EYS: variants seen among roughly 807,000 people sequenced by gnomAD.
EYS encodes the protein EGF-like photoreceptor maintenance factor.
EYS carries 250 observed loss-of-function variants against 282.1 expected under a neutral mutation model. That is an observed-to-expected ratio of 0.89 (90% confidence interval 0.80 to 0.98). EYS has a LOEUF of 0.98. EYS is among the 50% of genes least tolerant of loss of function. The pLI is 0.00. For missense variants in EYS, 4,016 were observed against 3,709.0 expected (o/e 1.08, Z -2.15); for synonymous variants, 1,355 against 1,282.9 (o/e 1.06, Z -1.20).
chr6:65,123,856 G>A lies in EYS; in HGVS notation c.2024-66129C>T, dbSNP rs969856486. On this transcript the variant is annotated intron_variant, in intron 12 of 42. Coordinates refer to ENST00000503581, the MANE Select transcript of EYS (RefSeq NM_001142800.2). Reference sequence around the variant, plus strand: ...GAATTTCCCTAAATTCTGAAATGGTGAAAACAGTCACTTTATCAGAAGGAT... The same window carrying A: ...GAATTTCCCTAAATTCTGAAATGGTAAAAACAGTCACTTTATCAGAAGGAT... Among the ~76,000 whole-genome samples, 6 of 152,004 alleles carry A rather than the reference G, an allele frequency of 3.9e-5. No homozygotes were observed. In the South Asian group the frequency reaches 1.2e-3, roughly 32 times the overall value.
At chr6:64,149,870 C>T (rs1457154103) in intron 31 of EYS, among the ~76,000 whole-genome samples, 1 of 152,188 alleles carries the variant, frequency 6.6e-6, no homozygotes. Context: ...AACACGCCTT[C>T]ATTTTCTCCT....
chr6:63,962,767 C>G (rs1268732446), intron 35 of EYS, among the ~76,000 whole-genome samples: 5 of 151,978 alleles, frequency 3.3e-5, no homozygotes, highest in Admixed American at 6.6e-5. Flanking sequence ...GGGTATATAC[C>G]CAAAGGATTA....
intron 41 of EYS, among the ~76,000 whole-genome samples, chr6:63,730,473 C>T (rs1278380159): frequency 6.6e-6 from 1 of 152,150 alleles, no homozygotes; most frequent in Admixed American, 6.5e-5. Flanking sequence ...CCCAACATTC[C>T]CACCATTGTG....
intron 34 of EYS, among the ~76,000 whole-genome samples, chr6:63,991,669 A>T (rs949432618): frequency 6.6e-6 from 1 of 151,630 alleles, no homozygotes; most frequent in African/African-American, 2.4e-5. Context: ...AGAGAGAAAG[A>T]AAGAAGAAAA....
At chr6:65,418,649 G>A (rs905321997) in intron 5 of EYS, among the ~76,000 whole-genome samples, 10 of 151,916 alleles carry the variant, frequency 6.6e-5, no homozygotes, top group African/African-American at 2.2e-4. Context: ...AACACCACAT[G>A]TTTTCACTTA....
At chr6:65,127,187 T>C (rs1268908584) in intron 12 of EYS, among the ~76,000 whole-genome samples, 1 of 152,134 alleles carries the variant, frequency 6.6e-6, no homozygotes, top group East Asian at 1.9e-4. Context: ...ACTTAAATCC[T>C]TCAGTTAGAA....
At chr6:64,297,261 C>T (rs1447682518) in intron 30 of EYS, among the ~76,000 whole-genome samples, 1 of 152,176 alleles carries the variant, frequency 6.6e-6, no homozygotes, top group Middle Eastern at 3.2e-3. Context: ...TACTCCCCAC[C>T]ACCTTGAACT....
At chr6:64,338,650 A>G (rs548569901) in intron 29 of EYS, among the ~76,000 whole-genome samples, 13 of 152,174 alleles carry the variant, frequency 8.5e-5, no homozygotes, top group African/African-American at 3.1e-4. Context: ...ATTCATATGG[A>G]ACCAAAAAAG....
At chr6:65,496,279 T>C (rs1453650597) in intron 2 of EYS, among the ~76,000 whole-genome samples, 5 of 152,086 alleles carry the variant, frequency 3.3e-5, no homozygotes, top group African/African-American at 1.2e-4. Flanking sequence ...TAAATATAAG[T>C]TAAATGGTAG....
At chr6:64,935,321 T>C (rs1172060643) in intron 15 of EYS, among the ~76,000 whole-genome samples, 1 of 151,634 alleles carries the variant, frequency 6.6e-6, no homozygotes, top group Non-Finnish European at 1.5e-5. Flanking sequence ...TAAGTGCAAA[T>C]TGAGTGAACA....
intron 26 of EYS, among the ~76,000 whole-genome samples, chr6:64,521,165 A>G (rs1777721415): frequency 6.6e-6 from 1 of 151,790 alleles, no homozygotes; most frequent in Non-Finnish European, 1.5e-5. Context: ...CTAAGTTGCT[A>G]TGGTTGGCCT....
intron 31 of EYS, among the ~76,000 whole-genome samples, chr6:64,203,789 T>A (rs1433148316): frequency 6.6e-6 from 1 of 152,186 alleles, no homozygotes; most frequent in Non-Finnish European, 1.5e-5. Context: ...AATACCTGAC[T>A]CATAGTAGGC....
chr6:64,786,887 C>T (rs1465849180), intron 22 of EYS, among the ~76,000 whole-genome samples: 1 of 152,176 alleles, frequency 6.6e-6, no homozygotes, highest in Non-Finnish European at 1.5e-5. Context: ...TCTGACTTCA[C>T]TCTGAGGAGA....
intron 31 of EYS, among the ~76,000 whole-genome samples, chr6:64,101,835 C>G (rs1212422327): frequency 6.6e-6 from 1 of 151,646 alleles, no homozygotes; most frequent in Non-Finnish European, 1.5e-5. Context: ...TCAGTGGGAG[C>G]CCTGAGCTTG....
intron 5 of EYS, among the ~76,000 whole-genome samples, chr6:65,451,542 A>G (rs2150402059): frequency 6.6e-6 from 1 of 152,200 alleles, no homozygotes. Flanking sequence ...GATATACAGT[A>G]TTGTCAAATA....
chr6:64,827,418 T>A (rs2036080), intron 19 of EYS, among the ~76,000 whole-genome samples: 23,160 of 151,764 alleles, frequency 0.15, 2,007 homozygotes, highest in East Asian at 0.44. Flanking sequence ...TTATTTGAGC[T>A]CAGGGATCAT....
chr6:65,292,454 C>T (rs1768553273), intron 12 of EYS, among the ~76,000 whole-genome samples: 1 of 151,694 alleles, frequency 6.6e-6, no homozygotes, highest in African/African-American at 2.4e-5. Flanking sequence ...GTTTTGAACA[C>T]CCAACATGAA....
At chr6:65,008,433 G>A (rs1443683059) in intron 13 of EYS, among the ~76,000 whole-genome samples, 1 of 150,402 alleles carries the variant, frequency 6.6e-6, no homozygotes, top group African/African-American at 2.5e-5. Flanking sequence ...AAAGAGATCA[G>A]GAGGAGCAGG....
intron 2 of EYS, among the ~76,000 whole-genome samples, chr6:65,618,700 G>A (rs1474143253): frequency 6.6e-6 from 1 of 152,176 alleles, no homozygotes; most frequent in Non-Finnish European, 1.5e-5. Context: ...TAATGTATAA[G>A]TCTTTAATCC....
Sources: allele counts gnomAD v4.1 joint callset (sites outside exome capture counted in the v4.1 genomes callset), GRCh38; gene constraint gnomAD v4.1.1; transcripts MANE v1.5; gene names NCBI Gene and HGNC (gene_info 2026-07-23, HGNC 2026-07-21).